Variants in MAP3K4 observed in about 807,000 individuals in gnomAD.
MAP3K4 encodes the protein MAP three kinase 1.
Under a neutral mutation model 185.6 loss-of-function variants are expected in MAP3K4, and 67 were observed. The ratio of observed to expected loss-of-function variants is 0.36; its 90% CI spans 0.30 to 0.44. The LOEUF is 0.44. MAP3K4 is among the 20% of genes least tolerant of loss of function. MAP3K4 has a pLI of 1.00. For missense variants in MAP3K4, 1,551 were observed against 1,995.1 expected (o/e 0.78, Z 4.24); for synonymous variants, 702 against 710.4 (o/e 0.99, Z 0.19).
chr6:161,001,172 A>T (rs1781304766), intron 1 of MAP3K4, among the ~76,000 whole-genome samples: 1 of 148,762 alleles, frequency 6.7e-6, no homozygotes, highest in African/African-American at 2.5e-5. Context: ...ATATATGTGT[A>T]CACATATATA....
At chr6:161,047,462 A>G (rs1439210314) in intron 2 of MAP3K4, among the ~76,000 whole-genome samples, 4 of 152,130 alleles carry the variant, frequency 2.6e-5, no homozygotes, top group South Asian at 2.1e-4. Flanking sequence ...TTATATCATC[A>G]TTGATTATAT....
At chr6:161,072,437 T>A (rs902758704) in intron 4 of MAP3K4, among the ~76,000 whole-genome samples, 2 of 152,186 alleles carry the variant, frequency 1.3e-5, no homozygotes, top group Admixed American at 6.5e-5. Flanking sequence ...TGTGTGTGTG[T>A]GAGTTTTTTC....
rs1033012475 is a variant in MAP3K4, at chr6:161,015,746, G to A, written c.153-18513G>A. On this transcript the variant is annotated intron_variant, in intron 1 of 26. Coordinates refer to ENST00000392142, the MANE Select transcript of MAP3K4 (RefSeq NM_005922.4). Reference sequence around the variant, plus strand: ...TTTAACAACCAGCTCCTAGGGTAGCGCTTGCTAGCACTCATAGAGAGAATT... The same window carrying A: ...TTTAACAACCAGCTCCTAGGGTAGCACTTGCTAGCACTCATAGAGAGAATT... Among the ~76,000 whole-genome samples the A allele has an allele frequency of 7.2e-5, 11 of 152,056 alleles. No homozygotes were observed. In the East Asian group the frequency reaches 1.4e-3, roughly 19 times the overall value.
intron 1 of MAP3K4, among the ~76,000 whole-genome samples, chr6:160,994,291 G>A (rs375937049): frequency 2.6e-5 from 4 of 151,974 alleles, no homozygotes; most frequent in East Asian, 1.9e-4. Context: ...TCCTCACCCC[G>A]CTCTGAGCCT....
intron 4 of MAP3K4, among the ~76,000 whole-genome samples, chr6:161,072,426 A>ATG (rs906333984): frequency 1.3e-5 from 2 of 152,054 alleles, no homozygotes; most frequent in Non-Finnish European, 2.9e-5. Flanking sequence ...ACAAGTAAGT[A>ATG]TGTGTGTGTG....
rs78316258 is a variant in MAP3K4 at position 161,077,295 on chromosome 6, G to A, written c.2098-3586G>A. On this transcript the variant is annotated intron_variant, in intron 5 of 26. Transcript: ENST00000392142. The surrounding 1 kb of genome is among the most constrained non-coding windows in gnomAD (Gnocchi z 4.3). ...TGAAAAAAATATCTACATGTACCCC[G>A]GAACTTAAAATAAAAATTAAAGAAA... 0.09 allele frequency among the ~76,000 whole-genome samples: 13,662 copies of A among 151,940 alleles called. 1,015 individuals are homozygous for A. Among genetic ancestry groups the A allele is most frequent in the Admixed American group, 0.25 (3,788 of 15,268 alleles).
At chr6:161,028,085 T>A (rs3734461) in intron 1 of MAP3K4, among the ~76,000 whole-genome samples, 33,468 of 152,116 alleles carry the variant, frequency 0.22, 5,152 homozygotes, top group African/African-American at 0.43. Context: ...GCTACATTGC[T>A]TGGGTTAAAG....
rs973312268 is a variant in MAP3K4 at position 161,104,368 on chromosome 6, C to G, written c.3856+1589C>G. Among the ~76,000 whole-genome samples the G allele has an allele frequency of 2.0e-5, 3 of 146,652 alleles. No individual in the cohort carries two copies. In the Admixed American group the frequency reaches 2.1e-4, roughly 10 times the overall value. On this transcript the variant is annotated intron_variant, in intron 19 of 26. Transcript: ENST00000392142. ...GGCAGAGGTTGCGGTGGGCTGAGAT[C>G]GCGCCATCACACTCTAGCCTGGGCA...
chr6:161,062,635 T>C (rs1281140636), intron 3 of MAP3K4, among the ~76,000 whole-genome samples: 1 of 152,234 alleles, frequency 6.6e-6, no homozygotes, highest in East Asian at 1.9e-4. Flanking sequence ...CCATAAAATC[T>C]TTGGTTTATA....
rs1778300747 is a variant in MAP3K4, at chr6:161,110,523, G to T, written c.4396+609G>T. ...CGCCATGCCCCTGACCTTTGTATTT[G>T]CAAGTCTTGAGGATAATTAAAATGG... is the stretch of plus-strand genomic sequence containing the variant. On this transcript the variant is annotated intron_variant, in intron 23 of 26. Coordinates refer to ENST00000392142, the MANE Select transcript of MAP3K4 (RefSeq NM_005922.4). This position sits in a 1 kb window ranked among gnomAD's most constrained non-coding sequence, Gnocchi z 4.8. Among the ~76,000 whole-genome samples the T allele has an allele frequency of 6.6e-6, 1 of 152,182 alleles. No homozygotes were observed.
chr6:161,048,723 A>G lies in MAP3K4; in HGVS notation c.451A>G (p.Arg151Gly). The change falls in exon 3 of 27, where the codon AGA (arginine) becomes GGA (glycine). Residue 151 changes from arginine (R) to glycine (G), a missense_variant. Transcript: ENST00000392142. This position sits in a 1 kb window ranked among gnomAD's most constrained non-coding sequence, Gnocchi z 4.7. ...KQEKKIRAAL[R>G]TTERDRKKNV... ...GGAGAAAAAGATCCGAGCAGCTCTTAGAACAACAGAGCGTGATCGTAAAAA... is the reference window on the plus strand; with the variant it reads ...GGAGAAAAAGATCCGAGCAGCTCTTGGAACAACAGAGCGTGATCGTAAAAA... 3 of 1,614,066 alleles carry G rather than the reference A, an allele frequency of 1.9e-6. No homozygotes were observed. In the South Asian group the frequency reaches 3.3e-5, roughly 18 times the overall value.
chr6:161,080,963 A>G lies in MAP3K4; in HGVS notation c.2180A>G (p.Glu727Gly), dbSNP rs1391317261. Residue 727 changes from glutamate to glycine, a missense_variant, in exon 6 of 27, where the codon GAA becomes GGA. Transcript: ENST00000392142. The surrounding 1 kb of genome is among the most constrained non-coding windows in gnomAD (Gnocchi z 4.8). Reference sequence around the variant, plus strand: ...TCGCATAGTTTAAAAAATCTGTTAGAAGAAGAATGGAATTTCACCAAAGAA... The same window carrying G: ...TCGCATAGTTTAAAAAATCTGTTAGGAGAAGAATGGAATTTCACCAAAGAA... ...QASHSLKNLLEEEWNFTKEIT... is the reference protein window; with the variant it reads ...QASHSLKNLLGEEWNFTKEIT... The G allele has an allele frequency of 6.2e-7, 1 of 1,614,152 alleles. No homozygotes were observed. The highest frequency in any genetic ancestry group is 1.7e-5 in the Admixed American group (1 of 60,024).
intron 19 of MAP3K4, among the ~76,000 whole-genome samples, chr6:161,105,749 A>G (rs1182956575): frequency 6.6e-6 from 1 of 152,184 alleles, no homozygotes; most frequent in Non-Finnish European, 1.5e-5. Flanking sequence ...GAAAACATAG[A>G]AAAGACAAAC....
Position 161,097,217 on chromosome 6 carries a change from C to T in MAP3K4, c.3524+41C>T. 6.6e-7 allele frequency: 1 copy of T among 1,518,446 alleles called. No homozygotes were observed. Among genetic ancestry groups the T allele is most frequent in the South Asian group, 1.1e-5 (1 of 88,714 alleles). 94.1% of individuals were successfully genotyped at this position (1,518,446 alleles called of 1,614,324 possible). On this transcript the variant is annotated intron_variant, in intron 16 of 26. Coordinates refer to ENST00000392142, the MANE Select transcript of MAP3K4 (RefSeq NM_005922.4). The surrounding 1 kb of genome is among the most constrained non-coding windows in gnomAD (Gnocchi z 4.9). ...CTAGTCATTTGCTTTACAGAGTGCC[C>T]TCCGATATGCATGCTCATACTTTTG...
rs1327059181 is a variant in MAP3K4, at chr6:161,097,174, C to CA, written c.3523dup (p.Ser1175LysfsTer37). The CA allele has an allele frequency of 6.2e-7, 1 of 1,613,644 alleles. No homozygotes were observed. The highest frequency in any genetic ancestry group is 8.5e-7 in the Non-Finnish European group (1 of 1,179,580). On this transcript the variant is annotated frameshift_variant and splice_region_variant, in exon 16 of 27. Transcript: ENST00000392142. LOFTEE classifies it high-confidence loss of function. This position sits in a 1 kb window ranked among gnomAD's most constrained non-coding sequence, Gnocchi z 4.9. ...TCATTATCCCCACTCCAGAGGGATT[C>CA]AGGTATTTGGTGCTTATCTAGTCAT...
chr6:161,093,970 G>A lies in MAP3K4; in HGVS notation c.3427+119G>A, dbSNP rs552800477. ...GTGTTTTAACAGTATTCAGGAAAAC[G>A]ACAATGAGAGGGACAGAAATGAGGT... On this transcript the variant is annotated intron_variant, in intron 15 of 26. Transcript: ENST00000392142. The surrounding 1 kb of genome is among the most constrained non-coding windows in gnomAD (Gnocchi z 5.2). 1.0e-5 allele frequency: 7 copies of A among 688,320 alleles called. No individual in the cohort carries two copies. The highest frequency in any genetic ancestry group is 7.3e-5 in the African/African-American group (4 of 54,874). The allele number at this position is 688,320 out of a possible 1,614,324, so 42.6% of individuals were successfully genotyped here.
In MAP3K4 at chr6:161,115,056, C is replaced by G; in HGVS notation, c.4627-67C>G. The G allele has an allele frequency of 7.2e-7, 1 of 1,387,522 alleles. No homozygotes were observed. The highest frequency in any genetic ancestry group is 1.0e-6 in the Non-Finnish European group (1 of 1,001,652). 86.0% of individuals were successfully genotyped at this position (1,387,522 alleles called of 1,614,324 possible). A position where few individuals can be genotyped will look rare whatever the true frequency, so the allele number is the denominator to read the frequency against. On this transcript the variant is annotated intron_variant, in intron 25 of 26. Coordinates refer to ENST00000392142, the MANE Select transcript of MAP3K4 (RefSeq NM_005922.4). The surrounding 1 kb of genome is among the most constrained non-coding windows in gnomAD (Gnocchi z 6.0). ...TAATGATGAGATGCTTAAAAACAGA[C>G]TGAACATTTGCGTTGTTTGTGGCTG...
chr6:160,992,743 T>TA (rs1780794052), intron 1 of MAP3K4, among the ~76,000 whole-genome samples: 1 of 152,240 alleles, frequency 6.6e-6, no homozygotes, highest in African/African-American at 2.4e-5. Context: ...CAGGAAGCTC[T>TA]AAGGTGGAAC....
Position 161,071,518 on chromosome 6 carries a change from C to T in MAP3K4, c.1950+668C>T, listed in dbSNP as rs1241385353. Among the ~76,000 whole-genome samples, 4 of 152,058 alleles carry T rather than the reference C, an allele frequency of 2.6e-5. No homozygotes were observed. Among genetic ancestry groups the T allele is most frequent in the Admixed American group, 1.3e-4 (2 of 15,268 alleles). On this transcript the variant is annotated intron_variant, in intron 4 of 26. Transcript: ENST00000392142. The surrounding 1 kb of genome is among the most constrained non-coding windows in gnomAD (Gnocchi z 4.6). ...TTTTTTGTAGACTGTACGTGTCTAT[C>T]CCATAGGGATTGGAGGGCTAAGAGC...
Sources: gnomAD v4.1 joint callset for allele counts (sites outside exome capture counted in the v4.1 genomes callset) on GRCh38, gnomAD v4.1.1 for gene constraint, Gnocchi (gnomAD v3.1) non-coding constraint, MANE v1.5 for transcripts, NCBI Gene and HGNC (gene_info 2026-07-23, HGNC 2026-07-21) for gene names.